ADAMTSL1: variants seen among roughly 807,000 people sequenced by gnomAD.
ADAMTSL1 encodes the protein ADAMTS like 1.
A neutral mutation model predicts 201.8 loss-of-function variants in ADAMTSL1; 126 were observed. The observed-to-expected ratio is 0.62, with a 90% CI of 0.54 to 0.72. The LOEUF is 0.72. Among genes scored for constraint, ADAMTSL1 ranks in the 30% least tolerant of loss-of-function variants. The probability of loss-of-function intolerance (pLI) is 0.00; values close to 1 mark genes in which losing one functional copy is unlikely to be tolerated. For missense variants in ADAMTSL1, 2,679 were observed against 2,277.8 expected, an observed-to-expected ratio of 1.18 and a Z score of -3.59; for synonymous variants, 1,121 against 903.4, an observed-to-expected ratio of 1.24 and a Z score of -4.32.
At chr9:18,186,275 A>C (rs535348127) in intron 2 of ADAMTSL1, among the ~76,000 whole-genome samples, 1 of 152,274 alleles carries the variant, frequency 6.6e-6, no homozygotes, top group African/African-American at 2.4e-5. Flanking sequence ...GGAAACAACT[A>C]CTATTGAGTT....
intron 4 of ADAMTSL1, among the ~76,000 whole-genome samples, chr9:18,576,106 G>A (rs1822707077): frequency 6.6e-6 from 1 of 152,052 alleles, no homozygotes; most frequent in Admixed American, 6.6e-5. Context: ...GAGTATGACA[G>A]ATTTGAGAGC....
intron 2 of ADAMTSL1, among the ~76,000 whole-genome samples, chr9:18,454,752 T>G (rs903036003): frequency 1.3e-5 from 2 of 152,242 alleles, no homozygotes; most frequent in Admixed American, 6.5e-5. Flanking sequence ...TAATGTGAAT[T>G]TAAATTTTTA....
chr9:18,442,779 A>T (rs370170872), intron 2 of ADAMTSL1, among the ~76,000 whole-genome samples: 8 of 152,330 alleles, frequency 5.3e-5, no homozygotes, highest in African/African-American at 1.9e-4. Flanking sequence ...CTTTGCTGTC[A>T]TGCATAGACT....
intron 1 of ADAMTSL1, among the ~76,000 whole-genome samples, chr9:17,949,792 T>G (rs1016486155): frequency 6.6e-6 from 1 of 152,178 alleles, no homozygotes; most frequent in African/African-American, 2.4e-5. Context: ...TTTGTAAAGA[T>G]AGCCAGGTGG....
intron 15 of ADAMTSL1, among the ~76,000 whole-genome samples, chr9:18,729,637 A>G (rs968666943): frequency 3.9e-5 from 6 of 152,228 alleles, no homozygotes; most frequent in Admixed American, 1.3e-4. Flanking sequence ...TCTCCACTGA[A>G]CAAATGTCTA....
chr9:18,158,544 C>T (rs551205803), intron 1 of ADAMTSL1, among the ~76,000 whole-genome samples: 4 of 152,030 alleles, frequency 2.6e-5, no homozygotes, highest in Admixed American at 2.6e-4. Flanking sequence ...TATTAATTCC[C>T]TTTCAAAAAC....
chr9:18,807,911 A>G (rs1247591444), intron 20 of ADAMTSL1, among the ~76,000 whole-genome samples: 3 of 152,140 alleles, frequency 2.0e-5, no homozygotes, highest in Non-Finnish European at 2.9e-5. Flanking sequence ...GTTAATATCA[A>G]TGTGATTGTA....
chr9:17,948,919 C>G (rs1827619824), intron 1 of ADAMTSL1, among the ~76,000 whole-genome samples: 1 of 152,150 alleles, frequency 6.6e-6, no homozygotes, highest in South Asian at 2.1e-4. Context: ...GTTGATATTA[C>G]CACTCCCTTT....
At chr9:17,946,364 C>G (rs1743948567) in intron 1 of ADAMTSL1, among the ~76,000 whole-genome samples, 1 of 151,978 alleles carries the variant, frequency 6.6e-6, no homozygotes, top group South Asian at 2.1e-4. Flanking sequence ...AGTCCAAGAA[C>G]ATTCTCGTAA....
chr9:18,012,626 A>G (rs536251807), intron 1 of ADAMTSL1, among the ~76,000 whole-genome samples: 1 of 152,170 alleles, frequency 6.6e-6, no homozygotes, highest in South Asian at 2.1e-4. Flanking sequence ...GAGACAGGTG[A>G]CAGAACACCT....
intron 2 of ADAMTSL1, among the ~76,000 whole-genome samples, chr9:18,293,903 G>A (rs1833371196): frequency 6.6e-6 from 1 of 152,136 alleles, no homozygotes; most frequent in African/African-American, 2.4e-5. Flanking sequence ...GGAGAATGGG[G>A]TGGAGGAGGA....
At chr9:18,680,264 G>C (rs1830381952) in intron 10 of ADAMTSL1, 48 bp from the exon 11 acceptor site, 1 of 1,574,558 alleles carries the variant, frequency 6.4e-7, no homozygotes, top group African/African-American at 1.3e-5. Flanking sequence ...CACTGAGGAG[G>C]CTTAGCAATG....
rs989340170 is a variant in ADAMTSL1, at chr9:18,112,302, G to T, written c.88-51560G>T. Among the ~76,000 whole-genome samples, 4 of 152,064 alleles carry T rather than the reference G, an allele frequency of 2.6e-5. No homozygotes were observed. The East Asian group carries it at 7.7e-4, about 29-fold the overall frequency. On this transcript the variant is annotated intron_variant, in intron 1 of 29. Coordinates refer to the ADAMTSL1 transcript ENST00000680146. ...GGTTACATGCAAGTGCCATCTGAAA[G>T]TGCAGTGGAGTTAATCTCCCCGAGG...
intron 15 of ADAMTSL1, 24 bp downstream of exon 15, chr9:18,721,689 G>C (rs1460492051): frequency 6.2e-7 from 1 of 1,612,340 alleles, no homozygotes; most frequent in Non-Finnish European, 8.5e-7. Context: ...GGCCTGCCCT[G>C]CTGTCCAGGG....
chr9:17,942,595 T>C (rs1827285083), intron 1 of ADAMTSL1, among the ~76,000 whole-genome samples: 1 of 152,120 alleles, frequency 6.6e-6, no homozygotes, highest in Non-Finnish European at 1.5e-5. Context: ...TAGGAAGAAT[T>C]TGTACTTTGG....
intron 2 of ADAMTSL1, among the ~76,000 whole-genome samples, chr9:18,180,729 C>T (rs1828427342): frequency 1.3e-5 from 2 of 152,060 alleles, no homozygotes; most frequent in African/African-American, 4.8e-5. Flanking sequence ...TTTACAGATT[C>T]AATGCCATCC....
chr9:18,666,650 T>C (rs1321306451), intron 9 of ADAMTSL1, among the ~76,000 whole-genome samples: 1 of 152,168 alleles, frequency 6.6e-6, no homozygotes, highest in Non-Finnish European at 1.5e-5. Context: ...CCAATGGAAA[T>C]ATTTTTGGAA....
chr9:18,851,895 T>G (rs1381398031), intron 23 of ADAMTSL1, among the ~76,000 whole-genome samples: 4 of 152,132 alleles, frequency 2.6e-5, no homozygotes, highest in Non-Finnish European at 2.9e-5. Flanking sequence ...CTCCTGAGAT[T>G]TTATCAGGAA....
At chr9:18,735,537 G>C (rs1818450414) in intron 15 of ADAMTSL1, among the ~76,000 whole-genome samples, 1 of 152,140 alleles carries the variant, frequency 6.6e-6, no homozygotes, top group Admixed American at 6.5e-5. Flanking sequence ...ATGCTACAGA[G>C]ACCTCTCAGA....
Sources: allele counts gnomAD v4.1 joint callset (sites outside exome capture counted in the v4.1 genomes callset), GRCh38; gene constraint gnomAD v4.1.1; transcripts MANE v1.5; gene names NCBI Gene and HGNC (gene_info 2026-07-23, HGNC 2026-07-21).